Variants in RBP5 observed in about 807,000 individuals in gnomAD.
RBP5 encodes the protein retinol-binding protein 5.
Under a neutral mutation model 17.8 loss-of-function variants are expected in RBP5, and 12 were observed. The observed-to-expected ratio is 0.67, with a 90% CI of 0.43 to 1.09. The LOEUF (loss-of-function observed/expected upper bound fraction) is 1.09, where lower values mean the gene tolerates loss of function less well. RBP5 is among the 50% of genes least tolerant of loss of function. The pLI, the probability that RBP5 is intolerant of heterozygous loss-of-function variation, is 0.00. For synonymous variants in RBP5, 64 were observed against 68.1 expected (o/e 0.94, Z 0.30); for missense variants, 172 against 169.4 (o/e 1.02, Z -0.09).
Position 7,123,969 on chromosome 12 carries a change from G to T in RBP5, c.*152C>A, listed in dbSNP as rs1939117810. ...TTTGGCCTGGGGGCTGCAAGTTACA[G>T]ATTAACACGGGGAGGGGTGAGGAGG... On this transcript the variant is annotated 3_prime_UTR_variant, in exon 4 of 4. Transcript: ENST00000266560. 8.6e-6 allele frequency: 6 copies of T among 698,026 alleles called. No homozygotes were observed. The highest frequency in any genetic ancestry group is 8.2e-5 in the South Asian group (5 of 60,836). The allele number at this position is 698,026 out of a possible 1,614,324, so 43.2% of individuals were successfully genotyped here. A position where few individuals can be genotyped will look rare whatever the true frequency, so the allele number is the denominator to read the frequency against.
Position 7,124,123 on chromosome 12 carries a change from A to C in RBP5, c.406T>G (p.Ter136GluextTer50), listed in dbSNP as rs1427584644. Residue 136 changes from the stop codon to glutamate (E), a stop_lost, in exon 4 of 4, where the codon TAG becomes GAG. Coordinates refer to ENST00000266560, the MANE Select transcript of RBP5 (RefSeq NM_031491.4). The surrounding 1 kb of genome is among the most constrained non-coding windows in gnomAD (Gnocchi z 5.3). ...GAGGGATCTTGGCTCCTCTCCGGCT[A>C]TCTGACCTTCCTGAAGACCTGCTCG... Reference protein sequence around the residue: ...VCEQVFRKVR* With the variant: ...VCEQVFRKVRE 7 of 1,614,042 alleles carry C rather than the reference A, an allele frequency of 4.3e-6. No individual in the cohort carries two copies. Among genetic ancestry groups the C allele is most frequent in the Non-Finnish European group, 5.9e-6 (7 of 1,179,958 alleles).
In RBP5 at chr12:7,128,345, G is replaced by A. The variant is rs1395925171; in HGVS notation, c.147C>T (p.His49=). The change falls in exon 2 of 4, where the codon CAC becomes CAT. Residue 49 remains histidine, a synonymous_variant. Coordinates refer to ENST00000266560, the MANE Select transcript of RBP5 (RefSeq NM_031491.4). The surrounding 1 kb of genome is among the most constrained non-coding windows in gnomAD (Gnocchi z 5.3). ...AGGTGCTGAGCGTCCTCACCGTCAT[G>A]TGGTTGCCCTGGTGTTCGATCTCCT... is the stretch of plus-strand genomic sequence containing the variant. ...PDKEIEHQGN[H]MTVRTLSTFR... 6 of 1,614,106 alleles carry A rather than the reference G, an allele frequency of 3.7e-6. No individual in the cohort carries two copies. The highest frequency in any genetic ancestry group is 5.1e-6 in the Non-Finnish European group (6 of 1,180,036).
At chr12:7,125,072 A>G (rs775451919) in intron 2 of RBP5, among the ~76,000 whole-genome samples, 6 of 152,052 alleles carry the variant, frequency 3.9e-5, no homozygotes, top group Admixed American at 1.3e-4. Flanking sequence ...ATACCGGGTT[A>G]ATTTTTGTAT....
At chr12:7,129,453 G>A (rs1005025831), upstream of RBP5, 14 of 212,440 alleles carry the variant, frequency 6.6e-5, no homozygotes, top group Admixed American at 3.8e-4. The surrounding 1 kb of genome is among the most constrained non-coding windows in gnomAD (Gnocchi z 5.5). Flanking sequence ...TTAGGAGGGA[G>A]GTGGAGCCCG....
rs113900650 is a variant in RBP5, at chr12:7,124,694, C to T, written c.289G>A (p.Val97Met). 3 of 1,612,944 alleles carry T rather than the reference C, an allele frequency of 1.9e-6. No homozygotes were observed. In the African/African-American group the frequency reaches 4.0e-5, roughly 22 times the overall value. ...CGGTTGGGGACCTCCCCTTTCTGCA[C>T]ACACACCAGGTGCTCCTCCTCCCAG... ...VTWEEEHLVC[V>M]QKGEVPNRGW... is the part of the protein sequence containing the mutation. The change falls in exon 3 of 4, where the codon GTG becomes ATG. Residue 97 changes from valine to methionine, a missense_variant. Physicochemically the swap from Val to Met is conservative, Grantham distance 21. Transcript: ENST00000266560. The surrounding 1 kb of genome is among the most constrained non-coding windows in gnomAD (Gnocchi z 5.3).
chr12:7,125,666 G>A (rs926053653), intron 2 of RBP5, among the ~76,000 whole-genome samples: 2 of 152,200 alleles, frequency 1.3e-5, no homozygotes, highest in Admixed American at 6.5e-5. Context: ...AATTAGATTG[G>A]AGAGAATGGG....
chr12:7,126,215 C>G (rs1363237085), intron 2 of RBP5, among the ~76,000 whole-genome samples: 1 of 151,796 alleles, frequency 6.6e-6, no homozygotes, highest in Non-Finnish European at 1.5e-5. Context: ...TAAAATGGGT[C>G]AGGAGCCATA....
rs564959660 is a variant in RBP5 at position 7,124,074 on chromosome 12, G to A, written c.*47C>T. The A allele has an allele frequency of 3.8e-6, 6 of 1,579,648 alleles. No homozygotes were observed. The highest frequency in any genetic ancestry group is 4.4e-6 in the Non-Finnish European group (5 of 1,148,684). ...TGGGCTTGAAGGGGGCACAACAAGA[G>A]CGTCTGTGAGCTGGTGCTGTCTGGA... On this transcript the variant is annotated 3_prime_UTR_variant, in exon 4 of 4. Coordinates refer to ENST00000266560, the MANE Select transcript of RBP5 (RefSeq NM_031491.4). The surrounding 1 kb of genome is among the most constrained non-coding windows in gnomAD (Gnocchi z 5.3).
At chr12:7,122,305 T>C (rs1277091474), downstream of RBP5, 6 of 152,236 alleles carry the variant, frequency 3.9e-5, no homozygotes. Flanking sequence ...CTGATGCTTG[T>C]GCTCCCTTAG....
chr12:7,125,942 G>C (rs10772367), intron 2 of RBP5, among the ~76,000 whole-genome samples: 95,683 of 151,882 alleles, frequency 0.63, 30,247 homozygotes, highest in Admixed American at 0.69. Flanking sequence ...AGGGTTAAGC[G>C]TGAGAACCAG....
chr12:7,127,568 A>T, intron 2 of RBP5: 1 of 642,768 alleles, frequency 1.6e-6, no homozygotes, highest in Non-Finnish European at 2.8e-6. Flanking sequence ...TATTTTTCCC[A>T]AATATTTTTC....
At position 7,128,127 on chromosome 12, in the gene RBP5, T is replaced by G. The variant is rs933279089; in HGVS notation, c.252+113A>C. 4 of 928,202 alleles carry G rather than the reference T, an allele frequency of 4.3e-6. No homozygotes were observed. Among genetic ancestry groups the G allele is most frequent in the Non-Finnish European group, 6.4e-6 (4 of 624,000 alleles). 57.5% of individuals were successfully genotyped at this position (928,202 alleles called of 1,614,324 possible). On this transcript the variant is annotated intron_variant, in intron 2 of 3. Coordinates refer to ENST00000266560, the MANE Select transcript of RBP5 (RefSeq NM_031491.4). The surrounding 1 kb of genome is among the most constrained non-coding windows in gnomAD (Gnocchi z 5.3). ...ACTGCATTCCCTGCTGTGGTGACCA[T>G]TCCCCTCCTCCCCGCTGCTCTGGCT...
Position 7,117,711 on chromosome 12 carries a change from T to G in RBP5, n.890-404A>C, listed in dbSNP as rs140096461. On this transcript the variant is annotated intron_variant and non_coding_transcript_variant, in intron 3 of 3. Coordinates refer to the RBP5 transcript ENST00000619522. This position sits in a 1 kb window ranked among gnomAD's most constrained non-coding sequence, Gnocchi z 4.9. ...ATGGGCAGGGAAGACAAGTCCCAGA[T>G]AGAATGCCCTTTGCAACCTAGGGGG... The G allele has an allele frequency of 1.3e-5, 2 of 152,268 alleles. No individual in the cohort carries two copies. Among genetic ancestry groups the G allele is most frequent in the Non-Finnish European group, 2.9e-5 (2 of 68,030 alleles). The allele number at this position is 152,268 out of a possible 1,614,324, so 9.4% of individuals were successfully genotyped here. A position where few individuals can be genotyped will look rare whatever the true frequency, so the allele number is the denominator to read the frequency against.
chr12:7,127,747 A>G (rs1565645743), intron 2 of RBP5: 4 of 701,084 alleles, frequency 5.7e-6, no homozygotes, highest in Non-Finnish European at 1.0e-5. Context: ...GGTGTAGATG[A>G]TTTAGCCTAT....
chr12:7,121,037 A>AAAAAAG (rs1939074428), downstream of RBP5: 1 of 152,126 alleles, frequency 6.6e-6, no homozygotes, highest in South Asian at 2.1e-4. Flanking sequence ...CAAAAAAAAA[A>AAAAAAG]AAAAAGAAAA....
At chr12:7,129,907 G>A (rs890681646), upstream of RBP5, 2 of 693,802 alleles carry the variant, frequency 2.9e-6, no homozygotes, top group African/African-American at 1.9e-5. The surrounding 1 kb of genome is among the most constrained non-coding windows in gnomAD (Gnocchi z 5.5). Context: ...ACCGCCCTGT[G>A]GCTTCCTCGC....
At chr12:7,129,698 A>T (rs771382833), upstream of RBP5, 2 of 985,470 alleles carry the variant, frequency 2.0e-6, no homozygotes, top group East Asian at 2.3e-4. The surrounding 1 kb of genome is among the most constrained non-coding windows in gnomAD (Gnocchi z 5.5). Flanking sequence ...CCAGCTGCCC[A>T]ATTCTCTCTC....
chr12:7,126,789 A>G (rs1385168740), intron 2 of RBP5, among the ~76,000 whole-genome samples: 2 of 152,080 alleles, frequency 1.3e-5, no homozygotes, highest in Non-Finnish European at 2.9e-5. Context: ...GAGAAACTAC[A>G]TACATCCCCC....
chr12:7,128,453 G>C lies in RBP5; in HGVS notation c.74-35C>G, dbSNP rs1939216070. On this transcript the variant is annotated intron_variant, in intron 1 of 3. Coordinates refer to ENST00000266560, the MANE Select transcript of RBP5 (RefSeq NM_031491.4). The surrounding 1 kb of genome is among the most constrained non-coding windows in gnomAD (Gnocchi z 5.3). ...CTGCCTGTTAGTAGGGGTGCTGCTA[G>C]CCAGCCAGGAGCTCCTCTGCCTGCA... is the stretch of plus-strand genomic sequence containing the variant. 1 of 1,607,068 alleles carries C rather than the reference G, an allele frequency of 6.2e-7. No individual in the cohort carries two copies. The highest frequency in any genetic ancestry group is 8.5e-7 in the Non-Finnish European group (1 of 1,174,894).
Sources: gnomAD v4.1 joint callset for allele counts (sites outside exome capture counted in the v4.1 genomes callset) on GRCh38, gnomAD v4.1.1 for gene constraint, Gnocchi (gnomAD v3.1) non-coding constraint, MANE v1.5 for transcripts, NCBI Gene and HGNC (gene_info 2026-07-23, HGNC 2026-07-21) for gene names.